MTMR4: variants seen among roughly 807,000 people sequenced by gnomAD.
MTMR4 encodes the protein phosphatidylinositol-3,5-bisphosphate 3-phosphatase MTMR4.
A neutral mutation model predicts 125.5 loss-of-function variants in MTMR4; 30 were observed. The ratio of observed to expected loss-of-function variants is 0.24; its 90% CI spans 0.18 to 0.32. The LOEUF (loss-of-function observed/expected upper bound fraction) is 0.32. MTMR4 is among the 10% of genes least tolerant of loss of function. The probability of loss-of-function intolerance (pLI) is 1.00; values close to 1 mark genes in which losing one functional copy is unlikely to be tolerated. For synonymous variants in MTMR4, 498 were observed against 564.5 expected, an observed-to-expected ratio of 0.88 and a Z score of 1.67; for missense variants, 1,039 against 1,511.5, an observed-to-expected ratio of 0.69 and a Z score of 5.18.
chr17:58,494,193 G>A (rs767363450), intron 15 of MTMR4, among the ~76,000 whole-genome samples: 99 of 152,036 alleles, frequency 6.5e-4, no homozygotes, highest in Non-Finnish European at 1.2e-3. Flanking sequence ...GGTGGCGGGC[G>A]CCTGTAGTCC....
upstream of MTMR4, chr17:58,514,869 T>C: frequency 2.0e-6 from 1 of 494,558 alleles, no homozygotes; most frequent in Non-Finnish European, 2.6e-6. Flanking sequence ...CCATGCCCTC[T>C]TACAAACCCA....
At chr17:58,511,650 G>T in intron 3 of MTMR4, 139 bp from the exon 4 acceptor site, 2 of 642,082 alleles carry the variant, frequency 3.1e-6, no homozygotes, top group Non-Finnish European at 2.7e-6. Context: ...CCTGGTAACT[G>T]TACGGAGTCC....
rs913135289 is a variant in MTMR4, at chr17:58,511,728, C to T, written c.253-217G>A. 7.2e-5 allele frequency among the ~76,000 whole-genome samples: 11 copies of T among 152,160 alleles called. 1 individual carries two copies. Among genetic ancestry groups the T allele is most frequent in the South Asian group, 6.2e-4 (3 of 4,836 alleles). On this transcript the variant is annotated intron_variant, in intron 3 of 17. Transcript: ENST00000682306. ...CAGCAGGTGCTTTCAGCCCATATTACGAGGAGAAAAATCAAGCCTCAGTTA... is the reference window on the plus strand; with the variant it reads ...CAGCAGGTGCTTTCAGCCCATATTATGAGGAGAAAAATCAAGCCTCAGTTA...
rs375705175 is a variant in MTMR4, at chr17:58,495,718, A to G, written c.2466T>C (p.Asp822=). The part of the protein sequence containing the change: ...MLGVPSKCVL[D]HSLSTVCNPP... ...GGTTGCAAACGGTGCTGAGGCTGTG[A>G]TCAAGAACACACTTGGAGGGCACAC... is the stretch of plus-strand genomic sequence containing the variant. The change falls in exon 15 of 18, where the codon GAT becomes GAC. Residue 822 remains aspartate, a synonymous_variant. Coordinates refer to ENST00000682306, the MANE Select transcript of MTMR4 (RefSeq NM_001378067.1). 6.2e-7 allele frequency: 1 copy of G among 1,614,024 alleles called. No homozygotes were observed. The highest frequency in any genetic ancestry group is 1.3e-5 in the African/African-American group (1 of 74,906).
At chr17:58,494,486 T>C (rs2143841819) in intron 15 of MTMR4, among the ~76,000 whole-genome samples, 1 of 152,290 alleles carries the variant, frequency 6.6e-6, no homozygotes, top group East Asian at 1.9e-4. Flanking sequence ...AATTCTCCAA[T>C]GTCACCTCCC....
At position 58,508,377 on chromosome 17, in the gene MTMR4, C is replaced by T. The variant is rs1975832787; in HGVS notation, c.593+91G>A. The T allele has an allele frequency of 6.5e-7, 1 of 1,541,090 alleles. No individual in the cohort carries two copies. Among genetic ancestry groups the T allele is most frequent in the South Asian group, 1.1e-5 (1 of 89,454 alleles). The stretch of plus-strand genomic sequence containing the variant: ...GGAAGAGAAACCATGAGCCTTCCTC[C>T]CTCTCAGACTCAGAAGCTGTGCCCA... On this transcript the variant is annotated intron_variant, in intron 6 of 17. Coordinates refer to ENST00000682306, the MANE Select transcript of MTMR4 (RefSeq NM_001378067.1). The surrounding 1 kb of genome is among the most constrained non-coding windows in gnomAD (Gnocchi z 4.8).
chr17:58,513,523 T>C (rs1975993357), intron 1 of MTMR4, among the ~76,000 whole-genome samples: 1 of 152,164 alleles, frequency 6.6e-6, no homozygotes, highest in Non-Finnish European at 1.5e-5. Flanking sequence ...TAGACCCACA[T>C]TGCTGACAAG....
At chr17:58,511,785 G>T (rs192049428) in intron 3 of MTMR4, among the ~76,000 whole-genome samples, 6 of 152,278 alleles carry the variant, frequency 3.9e-5, no homozygotes, top group Admixed American at 6.5e-5. Context: ...CAGCTGGTGA[G>T]TGGCAACGCA....
At position 58,504,600 on chromosome 17, in the gene MTMR4, T is replaced by C; in HGVS notation, c.1342-112A>G. 1 of 1,396,196 alleles carries C rather than the reference T, an allele frequency of 7.2e-7. No individual in the cohort carries two copies. The highest frequency in any genetic ancestry group is 9.7e-7 in the Non-Finnish European group (1 of 1,032,296). 86.5% of individuals were successfully genotyped at this position (1,396,196 alleles called of 1,614,324 possible). On this transcript the variant is annotated intron_variant, in intron 11 of 17. Coordinates refer to ENST00000682306, the MANE Select transcript of MTMR4 (RefSeq NM_001378067.1). This position sits in a 1 kb window ranked among gnomAD's most constrained non-coding sequence, Gnocchi z 7.1. ...TGGCAGCTTCAAAGAAAAATAGGAC[T>C]GGACCTAGAAGAGGACTCAAAGCCA... is the stretch of plus-strand genomic sequence containing the variant.
intron 14 of MTMR4, among the ~76,000 whole-genome samples, chr17:58,498,894 C>T (rs541592190): frequency 4.2e-4 from 64 of 152,238 alleles, no homozygotes; most frequent in African/African-American, 1.5e-3. Flanking sequence ...CTTCTACTCT[C>T]CAACTTTCAA....
chr17:58,503,675 T>C (rs1041186167), intron 14 of MTMR4, 69 bp downstream of exon 14: 1 of 1,507,382 alleles, frequency 6.6e-7, no homozygotes, highest in Non-Finnish European at 8.9e-7. Flanking sequence ...AGAGAACATT[T>C]AGATGAGATG....
At chr17:58,497,248 G>A (rs983812328) in intron 14 of MTMR4, among the ~76,000 whole-genome samples, 1 of 152,152 alleles carries the variant, frequency 6.6e-6, no homozygotes, top group African/African-American at 2.4e-5. Flanking sequence ...CAGTTACAAC[G>A]CAGCTTATTT....
In MTMR4 at chr17:58,512,464, C is replaced by T; in HGVS notation, c.178G>A (p.Gly60Ser). 6.2e-7 allele frequency: 1 copy of T among 1,614,126 alleles called. No individual in the cohort carries two copies. The change falls in exon 3 of 18, where the codon GGC (glycine) becomes AGC (serine). Residue 60 changes from glycine (G) to serine (S), a missense_variant. Around this residue, in one of 6 missense-constraint regions of MTMR4, gnomAD observed 202 missense variants for 311.9 expected, o/e 0.65. Transcript: ENST00000682306. The surrounding 1 kb of genome is among the most constrained non-coding windows in gnomAD (Gnocchi z 4.1). Reference sequence around the variant, plus strand: ...GCAATGAGGGCATCGGCTGCCCGGCCCAGGAACTCTACTCCCTCACCCTGC... The same window carrying T: ...GCAATGAGGGCATCGGCTGCCCGGCTCAGGAACTCTACTCCCTCACCCTGC... The part of the protein sequence containing the change: ...VLQGEGVEFL[G>S]RAADALIAIS...
chr17:58,497,181 C>T (rs918242192), intron 14 of MTMR4, among the ~76,000 whole-genome samples: 4 of 152,190 alleles, frequency 2.6e-5, no homozygotes, highest in Non-Finnish European at 5.9e-5. Flanking sequence ...GCTTCACTGG[C>T]CTCCTATTTT....
chr17:58,501,278 A>G (rs1364225459), intron 14 of MTMR4, among the ~76,000 whole-genome samples: 2 of 152,166 alleles, frequency 1.3e-5, no homozygotes, highest in African/African-American at 4.8e-5. Context: ...TGGGAGGCCA[A>G]GGCAGGAAGA....
At position 58,495,431 on chromosome 17, in the gene MTMR4, C is replaced by G. The variant is rs751632832; in HGVS notation, c.2753G>C (p.Gly918Ala). ...CCCTTGGAAGCTGTCCCAGTTGGAC[C>G]CTAGAAAAGAGAACTCACTGATCTG... ...QSQISEFSFL[G>A]SNWDSFQGMV... The change falls in exon 15 of 18, where the codon GGG (glycine) becomes GCG (alanine). Residue 918 changes from glycine (G) to alanine (A), a missense_variant. Transcript: ENST00000682306. The G allele has an allele frequency of 6.2e-7, 1 of 1,614,226 alleles. No individual in the cohort carries two copies. Among genetic ancestry groups the G allele is most frequent in the South Asian group, 1.1e-5 (1 of 91,088 alleles).
intron 15 of MTMR4, among the ~76,000 whole-genome samples, chr17:58,493,544 G>C: frequency 6.6e-6 from 1 of 152,208 alleles, no homozygotes; most frequent in African/African-American, 2.4e-5. Flanking sequence ...TGTAGAGATG[G>C]GGTTTCACCA....
At chr17:58,513,696 G>GGA (rs145946361) in intron 1 of MTMR4, among the ~76,000 whole-genome samples, 3 of 151,694 alleles carry the variant, frequency 2.0e-5, no homozygotes, top group Admixed American at 6.6e-5. Context: ...GACAGCCAGG[G>GGA]GAGAGAGAGA....
At chr17:58,496,413 T>G (rs1450824266) in intron 14 of MTMR4, 83 bp from the exon 15 acceptor site, 14 of 1,155,036 alleles carry the variant, frequency 1.2e-5, no homozygotes, top group Non-Finnish European at 1.6e-5. Flanking sequence ...TGGAGCAATA[T>G]CAAAGCCAGA....
Sources: gnomAD v4.1 joint callset for allele counts (sites outside exome capture counted in the v4.1 genomes callset) on GRCh38, gnomAD v4.1.1 for gene constraint, gnomAD v4.1.1 regional missense constraint, Gnocchi (gnomAD v3.1) non-coding constraint, MANE v1.5 for transcripts, NCBI Gene and HGNC (gene_info 2026-07-23, HGNC 2026-07-21) for gene names.